ERBB4: variants seen among roughly 807,000 people sequenced by gnomAD.
ERBB4 encodes receptor tyrosine-protein kinase erbB-4.
A neutral mutation model predicts 158.0 loss-of-function variants in ERBB4; 42 were observed. The ratio of observed to expected loss-of-function variants is 0.27; its 90% CI spans 0.21 to 0.34. ERBB4 has a LOEUF of 0.34. Ranked by LOEUF, ERBB4 falls within the 10% of genes least tolerant of loss-of-function variation. The pLI is 1.00. For missense variants in ERBB4, 1,333 were observed against 1,624.1 expected (o/e 0.82, Z 3.08); for synonymous variants, 583 against 558.7 (o/e 1.04, Z -0.61).
intron 13 of ERBB4, among the ~76,000 whole-genome samples, chr2:211,678,439 T>C (rs1158025759): frequency 6.6e-6 from 1 of 152,144 alleles, no homozygotes; most frequent in Non-Finnish European, 1.5e-5. Flanking sequence ...ATCCCCTTCA[T>C]AAAGAAAACT....
At chr2:212,187,673 A>C (rs1166091690) in intron 1 of ERBB4, among the ~76,000 whole-genome samples, 1 of 152,140 alleles carries the variant, frequency 6.6e-6, no homozygotes, top group Admixed American at 6.6e-5. Flanking sequence ...AATTAATGGC[A>C]TGCAACTCCA....
chr2:212,208,491 C>A (rs935817610), intron 1 of ERBB4, among the ~76,000 whole-genome samples: 1 of 151,966 alleles, frequency 6.6e-6, no homozygotes, highest in Non-Finnish European at 1.5e-5. Flanking sequence ...AGGGCTAAGG[C>A]AAGAGATTAT....
intron 21 of ERBB4, among the ~76,000 whole-genome samples, chr2:211,428,715 TTTTTA>T (rs1215032917): frequency 3.3e-5 from 5 of 152,058 alleles, no homozygotes; most frequent in Non-Finnish European, 5.9e-5. Context: ...ACTTATTCAT[TTTTTA>T]TTTTATTTAT....
At chr2:212,346,536 A>C (rs944114789) in intron 1 of ERBB4, among the ~76,000 whole-genome samples, 2 of 152,142 alleles carry the variant, frequency 1.3e-5, no homozygotes, top group African/African-American at 4.8e-5. Context: ...GAAATGTTTT[A>C]AATGTTTTAA....
chr2:212,230,088 G>A (rs979380597), intron 1 of ERBB4, among the ~76,000 whole-genome samples: 2 of 152,038 alleles, frequency 1.3e-5, no homozygotes, highest in African/African-American at 4.8e-5. Context: ...AGTTCAAGAT[G>A]AGCCTGGCCA....
At chr2:211,860,054 C>T (rs1337643311) in intron 3 of ERBB4, among the ~76,000 whole-genome samples, 1 of 152,124 alleles carries the variant, frequency 6.6e-6, no homozygotes, top group Non-Finnish European at 1.5e-5. Flanking sequence ...TACGCCAAAA[C>T]ATCTCTTGTC....
chr2:212,092,730 G>C (rs2078816298), intron 2 of ERBB4, among the ~76,000 whole-genome samples: 1 of 152,012 alleles, frequency 6.6e-6, no homozygotes, highest in Non-Finnish European at 1.5e-5. Context: ...GGATATTGTA[G>C]TACAATAAAA....
intron 20 of ERBB4, among the ~76,000 whole-genome samples, chr2:211,504,015 G>A (rs377025447): frequency 6.6e-6 from 1 of 152,056 alleles, no homozygotes; most frequent in African/African-American, 2.4e-5. Context: ...TGTCATCACT[G>A]CAATTGCCTC....
chr2:211,624,077 A>T (rs753209380), intron 17 of ERBB4, 33 bp from the exon 18 acceptor site: 3 of 1,613,312 alleles, frequency 1.9e-6, no homozygotes, highest in South Asian at 2.2e-5. Flanking sequence ...TTATACTTTC[A>T]GTCCGATAGT....
At chr2:211,499,273 C>A (rs758115962) in intron 20 of ERBB4, among the ~76,000 whole-genome samples, 1 of 151,986 alleles carries the variant, frequency 6.6e-6, no homozygotes, top group Admixed American at 6.6e-5. Context: ...GCTTGTAATC[C>A]CAGCACTTTG....
At chr2:212,174,160 G>T (rs1289789862) in intron 1 of ERBB4, among the ~76,000 whole-genome samples, 2 of 152,026 alleles carry the variant, frequency 1.3e-5, no homozygotes, top group Non-Finnish European at 2.9e-5. Context: ...CAGGGGAAAG[G>T]AGAAAAAGGA....
chr2:211,639,709 C>T (rs1574907268), intron 16 of ERBB4, among the ~76,000 whole-genome samples: 1 of 152,092 alleles, frequency 6.6e-6, no homozygotes, highest in African/African-American at 2.4e-5. Context: ...AGAGCAATCT[C>T]ATTTTCAGAG....
chr2:211,802,696 T>C (rs766991190), intron 3 of ERBB4, among the ~76,000 whole-genome samples: 4 of 152,256 alleles, frequency 2.6e-5, no homozygotes, highest in Non-Finnish European at 5.9e-5. Flanking sequence ...ATAATCTAAA[T>C]TGCAACTGAA....
At chr2:212,252,662 T>G (rs2084582627) in intron 1 of ERBB4, among the ~76,000 whole-genome samples, 1 of 151,908 alleles carries the variant, frequency 6.6e-6, no homozygotes, top group Non-Finnish European at 1.5e-5. Flanking sequence ...CCAAAGAAAG[T>G]TTTTAAAATA....
chr2:212,324,940 T>C (rs1420874695), intron 1 of ERBB4, among the ~76,000 whole-genome samples: 2 of 150,464 alleles, frequency 1.3e-5, no homozygotes, highest in African/African-American at 2.4e-5. Flanking sequence ...GTCACGATTA[T>C]ACAGTTTAAT....
intron 2 of ERBB4, among the ~76,000 whole-genome samples, chr2:212,063,260 A>C (rs897029806): frequency 2.6e-5 from 4 of 152,144 alleles, no homozygotes; most frequent in Admixed American, 2.6e-4. Flanking sequence ...ATTTAGAACA[A>C]GAAAAAAATA....
intron 20 of ERBB4, among the ~76,000 whole-genome samples, chr2:211,463,687 T>G (rs1318977433): frequency 7.3e-6 from 1 of 137,814 alleles, no homozygotes; most frequent in Non-Finnish European, 1.6e-5. Context: ...AAATTCAGCA[T>G]TTTAAAACAA....
At chr2:212,503,089 G>T (rs937577219) in intron 1 of ERBB4, among the ~76,000 whole-genome samples, 4 of 152,134 alleles carry the variant, frequency 2.6e-5, no homozygotes, top group Non-Finnish European at 5.9e-5. Context: ...ACTTTCACCA[G>T]GCTATACTGA....
chr2:212,534,299 TAGAA>T (rs758072159), intron 1 of ERBB4, among the ~76,000 whole-genome samples: 7 of 152,178 alleles, frequency 4.6e-5, no homozygotes, highest in African/African-American at 7.2e-5. Flanking sequence ...CAAGAGTACT[TAGAA>T]AGAGCACAAT....
Sources: gnomAD v4.1 joint callset for allele counts (sites outside exome capture counted in the v4.1 genomes callset) on GRCh38, gnomAD v4.1.1 for gene constraint, MANE v1.5 for transcripts, NCBI Gene and HGNC (gene_info 2026-07-23, HGNC 2026-07-21) for gene names.